SGCZ: variants seen among roughly 807,000 people sequenced by gnomAD.
SGCZ encodes the protein zeta-sarcoglycan.
SGCZ carries 40 observed loss-of-function variants against 41.3 expected under a neutral mutation model. That is an observed-to-expected ratio of 0.97 (90% CI 0.75 to 1.26). The LOEUF (loss-of-function observed/expected upper bound fraction) is 1.26, where lower values mean the gene tolerates loss of function less well. Ranked by LOEUF, SGCZ falls within the 50% of genes most tolerant of loss-of-function variation. The pLI, the probability that SGCZ is intolerant of heterozygous loss-of-function variation, is 0.00. For synonymous variants in SGCZ, 206 were observed against 137.5 expected (o/e 1.50, Z -3.49); for missense variants, 552 against 369.8 (o/e 1.49, Z -4.04).
At chr8:15,089,050 C>T (rs552912744) in intron 1 of SGCZ, among the ~76,000 whole-genome samples, 12 of 152,194 alleles carry the variant, frequency 7.9e-5, no homozygotes, top group East Asian at 7.7e-4. Context: ...CATTTTATTG[C>T]TATTAGCAGT....
At chr8:14,677,974 G>A (rs970960430) in intron 1 of SGCZ, among the ~76,000 whole-genome samples, 1 of 152,070 alleles carries the variant, frequency 6.6e-6, no homozygotes, top group Non-Finnish European at 1.5e-5. Flanking sequence ...CAATATAACA[G>A]CAAAGTGCCC....
intron 2 of SGCZ, among the ~76,000 whole-genome samples, chr8:14,549,655 G>C (rs1803740182): frequency 6.6e-6 from 1 of 151,992 alleles, no homozygotes; most frequent in South Asian, 2.1e-4. Flanking sequence ...CGTTGATAGA[G>C]GAGAAGAGGT....
chr8:15,178,339 A>C (rs1330085971), intron 1 of SGCZ, among the ~76,000 whole-genome samples: 1 of 152,172 alleles, frequency 6.6e-6, no homozygotes, highest in Non-Finnish European at 1.5e-5. Context: ...TGTCTAAAAG[A>C]CATTGTAGCG....
chr8:14,422,728 A>G (rs1384774477), intron 2 of SGCZ, among the ~76,000 whole-genome samples: 1 of 152,200 alleles, frequency 6.6e-6, no homozygotes, highest in Non-Finnish European at 1.5e-5. Context: ...ATAATTTCAA[A>G]ATACAGAAGG....
At chr8:14,516,854 T>G (rs1057407856) in intron 2 of SGCZ, among the ~76,000 whole-genome samples, 5 of 152,092 alleles carry the variant, frequency 3.3e-5, no homozygotes, top group African/African-American at 1.2e-4. Flanking sequence ...GAACTTTTTG[T>G]TGATTATTGA....
intron 2 of SGCZ, among the ~76,000 whole-genome samples, chr8:14,494,346 T>C (rs1219048958): frequency 2.0e-5 from 3 of 152,192 alleles, no homozygotes; most frequent in Non-Finnish European, 2.9e-5. Flanking sequence ...TCAGCCCGGC[T>C]ACTGTTTTCA....
chr8:14,573,416 CT>C (rs1804618508), intron 1 of SGCZ, among the ~76,000 whole-genome samples: 1 of 151,802 alleles, frequency 6.6e-6, no homozygotes, highest in Non-Finnish European at 1.5e-5. Context: ...TCTGGATCTC[CT>C]GACCTCGTGA....
chr8:15,097,017 G>C (rs566044839), intron 1 of SGCZ, among the ~76,000 whole-genome samples: 3 of 152,178 alleles, frequency 2.0e-5, no homozygotes, highest in Admixed American at 1.3e-4. Flanking sequence ...AGGTCTCACT[G>C]TGTTGCCCAA....
intron 3 of SGCZ, among the ~76,000 whole-genome samples, chr8:14,256,369 CAG>C (rs10553042): frequency 0.033 from 4,990 of 152,146 alleles, 259 homozygotes; most frequent in African/African-American, 0.11. Flanking sequence ...TAACACCAGT[CAG>C]GGGGTGAAAA....
intron 1 of SGCZ, among the ~76,000 whole-genome samples, chr8:14,813,337 T>G (rs903197282): frequency 6.6e-6 from 1 of 152,184 alleles, no homozygotes; most frequent in Non-Finnish European, 1.5e-5. Flanking sequence ...AAAATAAATC[T>G]GAATGTTAAT....
In SGCZ at chr8:14,446,236, G is replaced by A. The variant is rs1458807746; in HGVS notation, c.234+108496C>T. ...TCCCTAAGACCAAATCTACCTAGTA[G>A]CTACTGAAGTGACCTGCTGTGACTC... On this transcript the variant is annotated intron_variant, in intron 2 of 7. Coordinates refer to ENST00000382080, the MANE Select transcript of SGCZ (RefSeq NM_139167.4). 2.0e-5 allele frequency among the ~76,000 whole-genome samples: 3 copies of A among 152,114 alleles called. 1 individual carries two copies. The East Asian group carries it at 5.8e-4, about 29-fold the overall frequency.
intron 2 of SGCZ, among the ~76,000 whole-genome samples, chr8:14,335,048 A>G (rs1371107667): frequency 6.6e-6 from 1 of 152,148 alleles, no homozygotes; most frequent in Non-Finnish European, 1.5e-5. Context: ...CAGAAAGCAC[A>G]TGAAGACACA....
intron 3 of SGCZ, among the ~76,000 whole-genome samples, chr8:14,250,063 G>C (rs966790749): frequency 6.6e-6 from 1 of 152,166 alleles, no homozygotes; most frequent in African/African-American, 2.4e-5. Context: ...CTGAGTTGAA[G>C]CCTAAGATTC....
intron 1 of SGCZ, among the ~76,000 whole-genome samples, chr8:15,204,669 C>T (rs1328680762): frequency 6.6e-6 from 1 of 152,140 alleles, no homozygotes; most frequent in African/African-American, 2.4e-5. Context: ...ATCTCAAGTC[C>T]TGCCCTCTGT....
chr8:14,096,910 C>G (rs752668671), intron 7 of SGCZ, among the ~76,000 whole-genome samples: 10 of 152,112 alleles, frequency 6.6e-5, no homozygotes, highest in Non-Finnish European at 1.2e-4. Context: ...TTATATTATT[C>G]TCTAGTAGTT....
chr8:14,949,104 A>T (rs1368347488), intron 1 of SGCZ, among the ~76,000 whole-genome samples: 1 of 152,056 alleles, frequency 6.6e-6, no homozygotes, highest in Non-Finnish European at 1.5e-5. Context: ...TGCTCTCTCA[A>T]TTTCTCAACC....
intron 1 of SGCZ, among the ~76,000 whole-genome samples, chr8:14,704,575 A>G (rs373087739): frequency 1.3e-5 from 2 of 152,110 alleles, no homozygotes; most frequent in South Asian, 2.1e-4. Context: ...AATTAACACC[A>G]GGTCATGTGG....
intron 1 of SGCZ, among the ~76,000 whole-genome samples, chr8:14,743,160 A>C (rs954034897): frequency 2.0e-5 from 3 of 152,066 alleles, no homozygotes; most frequent in Non-Finnish European, 4.4e-5. Context: ...TATGTTAGTG[A>C]ATGCCCCCAA....
intron 1 of SGCZ, among the ~76,000 whole-genome samples, chr8:15,086,933 A>C (rs1805970156): frequency 6.6e-6 from 1 of 152,116 alleles, no homozygotes; most frequent in Non-Finnish European, 1.5e-5. Context: ...CTTTTCATTG[A>C]CTATAGGCAA....
Sources: gnomAD v4.1 joint callset for allele counts (sites outside exome capture counted in the v4.1 genomes callset) on GRCh38, gnomAD v4.1.1 for gene constraint, MANE v1.5 for transcripts, NCBI Gene and HGNC (gene_info 2026-07-23, HGNC 2026-07-21) for gene names.